The following RPS27A variants were observed in gnomAD, a reference collection of about 807,000 sequenced individuals.
RPS27A encodes ribosomal protein S27a.
RPS27A carries 1 observed loss-of-function variant against 18.9 expected under a neutral mutation model. The observed-to-expected ratio is 0.05, with a 90% CI of 0.02 to 0.25. RPS27A has a LOEUF of 0.25. Among genes scored for constraint, RPS27A ranks in the 10% least tolerant of loss-of-function variants. The pLI, the probability that RPS27A is intolerant of heterozygous loss-of-function variation, is 1.00. For missense variants in RPS27A, 123 were observed against 187.4 expected, an observed-to-expected ratio of 0.66 and a Z score of 2.01; for synonymous variants, 77 against 63.7, an observed-to-expected ratio of 1.21 and a Z score of -0.99.
At chr2:55,232,521 G>A (rs940876711), upstream of RPS27A, 37 of 496,790 alleles carry the variant, frequency 7.4e-5, no homozygotes, top group Admixed American at 4.2e-4. Context: ...AGGCTAAAGT[G>A]AGAAATAAGC....
chr2:55,232,707 C>A lies in RPS27A; in HGVS notation c.-19C>A, dbSNP rs774506381. 12 of 894,818 alleles carry A rather than the reference C, an allele frequency of 1.3e-5. No homozygotes were observed. Among genetic ancestry groups the A allele is most frequent in the Non-Finnish European group, 1.6e-5 (9 of 548,674 alleles). The allele number at this position is 894,818 out of a possible 1,614,324, so 55.4% of individuals were successfully genotyped here. The stretch of plus-strand genomic sequence containing the variant: ...TTCTTCCTTTTCGATCCGCCATCTG[C>A]GGTGGGTGTCTGCACTTCGGCTGCT... On this transcript the variant is annotated splice_region_variant and 5_prime_UTR_variant, in exon 1 of 6. Coordinates refer to ENST00000272317, the MANE Select transcript of RPS27A (RefSeq NM_002954.6).
At chr2:55,233,118 A>C (rs1337113715) in intron 2 of RPS27A, 1 of 636,698 alleles carries the variant, frequency 1.6e-6, no homozygotes, top group Admixed American at 2.6e-5. Context: ...GCGGTGGGGA[A>C]GGAGACGCTC....
chr2:55,233,245 CTCTCGAGTAGG>C (rs1218238583), intron 2 of RPS27A, 107 bp from the exon 3 acceptor site: 7 of 870,206 alleles, frequency 8.0e-6, no homozygotes, highest in Admixed American at 2.0e-5. Context: ...GGTAATAGGT[CTCTCGAGTAGG>C]TCTCAGCCCT....
chr2:55,234,229 CTT>C lies in RPS27A; in HGVS notation c.189+28_189+29del, dbSNP rs778988165. ...GGTCTGTCTAGGGGAAGAGCAGCCTCTTTTAAAAAAAAAATGTTATTTTGGAA... is the reference window on the plus strand; with the variant it reads ...GGTCTGTCTAGGGGAAGAGCAGCCTCTTAAAAAAAAAATGTTATTTTGGAA... On this transcript the variant is annotated intron_variant, in intron 4 of 5. Coordinates refer to ENST00000272317, the MANE Select transcript of RPS27A (RefSeq NM_002954.6). 1.3e-5 allele frequency: 19 copies of C among 1,486,718 alleles called. No homozygotes were observed. In the Admixed American group the frequency reaches 2.2e-4, roughly 17 times the overall value. The allele number at this position is 1,486,718 out of a possible 1,614,324, so 92.1% of individuals were successfully genotyped here.
intron 4 of RPS27A, 184 bp downstream of exon 4, chr2:55,234,388 T>C: frequency 1.6e-6 from 1 of 618,822 alleles, no homozygotes; most frequent in Non-Finnish European, 2.9e-6. Flanking sequence ...TAGTTGGAAC[T>C]ATAGGCACCC....
chr2:55,235,710 A>T lies in RPS27A; in HGVS notation c.*133A>T. 9.6e-7 allele frequency: 1 copy of T among 1,044,722 alleles called. No individual in the cohort carries two copies. The highest frequency in any genetic ancestry group is 1.4e-6 in the Non-Finnish European group (1 of 694,004). The allele number at this position is 1,044,722 out of a possible 1,614,324, so 64.7% of individuals were successfully genotyped here. A position where few individuals can be genotyped will look rare whatever the true frequency, so the allele number is the denominator to read the frequency against. ...GTAGTGCTACTGCTATCGCTGTGTG[A>T]ATGTTGCCTCTGGGGATTATGTGAC... is the stretch of plus-strand genomic sequence containing the variant. On this transcript the variant is annotated 3_prime_UTR_variant, in exon 6 of 6. Coordinates refer to ENST00000272317, the MANE Select transcript of RPS27A (RefSeq NM_002954.6).
Position 55,235,781 on chromosome 2 carries a change from C to T in RPS27A, c.*204C>T. The stretch of plus-strand genomic sequence containing the variant: ...CCAGGTGCCAACCACTTGTAAAGGT[C>T]TTGATATTTTCAATTCTTAGACTAC... On this transcript the variant is annotated 3_prime_UTR_variant, in exon 6 of 6. Transcript: ENST00000272317. 1.6e-6 allele frequency: 1 copy of T among 611,488 alleles called. No individual in the cohort carries two copies. The highest frequency in any genetic ancestry group is 2.9e-6 in the Non-Finnish European group (1 of 346,064). 37.9% of individuals were successfully genotyped at this position (611,488 alleles called of 1,614,324 possible).
At chr2:55,234,059 A>T in intron 3 of RPS27A, 60 bp from the exon 4 acceptor site, 2 of 1,074,262 alleles carry the variant, frequency 1.9e-6, no homozygotes, top group South Asian at 1.2e-5. Flanking sequence ...TTACCTTATA[A>T]GTCTGGAGCA....
chr2:55,234,768 T>TAA, intron 4 of RPS27A, 63 bp from the exon 5 acceptor site: 1 of 1,593,926 alleles, frequency 6.3e-7, no homozygotes, highest in Non-Finnish European at 8.6e-7. Context: ...AGAAAATGCA[T>TAA]AATGTTGGGT....
chr2:55,235,338 A>G, intron 5 of RPS27A, 90 bp from the exon 6 acceptor site: 1 of 1,427,624 alleles, frequency 7.0e-7, no homozygotes, highest in East Asian at 2.3e-5. Flanking sequence ...CCAGTATTAC[A>G]CAGTTAAAAG....
chr2:55,235,151 G>A (rs943386682), intron 5 of RPS27A, 189 bp downstream of exon 5: 2 of 749,972 alleles, frequency 2.7e-6, no homozygotes, highest in Non-Finnish European at 4.3e-6. Context: ...TTTGAAATCA[G>A]TTATGTAATA....
At chr2:55,233,733 A>AT (rs1426832106) in intron 3 of RPS27A, 1 of 475,714 alleles carries the variant, frequency 2.1e-6, no homozygotes, top group East Asian at 4.2e-5. Context: ...GGTTCAAGTG[A>AT]TTTTTGTGCT....
intron 5 of RPS27A, chr2:55,235,182 G>T: frequency 1.4e-6 from 1 of 705,538 alleles, no homozygotes; most frequent in Non-Finnish European, 2.3e-6. Context: ...TTTAAAGTCG[G>T]GTTTGGGTTC....
At position 55,235,656 on chromosome 2, in the gene RPS27A, C is replaced by T; in HGVS notation, c.*79C>T. 1 of 1,465,450 alleles carries T rather than the reference C, an allele frequency of 6.8e-7. No homozygotes were observed. Among genetic ancestry groups the T allele is most frequent in the African/African-American group, 1.4e-5 (1 of 72,264 alleles). 90.8% of individuals were successfully genotyped at this position (1,465,450 alleles called of 1,614,324 possible). On this transcript the variant is annotated 3_prime_UTR_variant, in exon 6 of 6. Coordinates refer to ENST00000272317, the MANE Select transcript of RPS27A (RefSeq NM_002954.6). ...AGTAAAAAGAATGGTTTTTAAGCAC[C>T]AAATTGATGGTCACACCATTTCCTT... is the stretch of plus-strand genomic sequence containing the variant.
At chr2:55,233,661 C>A (rs919127758) in intron 3 of RPS27A, 2 of 533,366 alleles carry the variant, frequency 3.7e-6, no homozygotes, top group East Asian at 3.4e-5. Flanking sequence ...GATGGAGTCT[C>A]CTCTGTCGCC....
In RPS27A at chr2:55,233,569, G is replaced by C; in HGVS notation, c.103+152G>C. 3 of 686,812 alleles carry C rather than the reference G, an allele frequency of 4.4e-6. No individual in the cohort carries two copies. In the South Asian group the frequency reaches 4.7e-5, roughly 11 times the overall value. The allele number at this position is 686,812 out of a possible 1,614,324, so 42.5% of individuals were successfully genotyped here. A position where few individuals can be genotyped will look rare whatever the true frequency, so the allele number is the denominator to read the frequency against. On this transcript the variant is annotated intron_variant, in intron 3 of 5. Transcript: ENST00000272317. ...ATAACACAATAGACATTGGTGATCG[G>C]GGAGCACAGTACCTAGATTGGAATC...
chr2:55,232,741 A>G, intron 1 of RPS27A, 33 bp downstream of exon 1: 2 of 1,271,916 alleles, frequency 1.6e-6, no homozygotes, highest in Non-Finnish European at 2.3e-6. Context: ...CTCTCGGGTT[A>G]GCACCCTATG....
intron 5 of RPS27A, 28 bp downstream of exon 5, chr2:55,234,990 G>GC (rs1675717242): frequency 6.2e-7 from 1 of 1,610,626 alleles, no homozygotes; most frequent in Admixed American, 1.7e-5. Context: ...CAGAATGTCA[G>GC]CAAAGTCTTG....
chr2:55,234,597 T>C, intron 4 of RPS27A: 1 of 587,610 alleles, frequency 1.7e-6, no homozygotes, highest in Non-Finnish European at 3.0e-6. Flanking sequence ...AGCACTGCTA[T>C]AGTTCTCCCA....
Sources: allele counts gnomAD v4.1 joint callset, GRCh38; gene constraint gnomAD v4.1.1; transcripts MANE v1.5; gene names NCBI Gene and HGNC (gene_info 2026-07-23, HGNC 2026-07-21).